The following DLC1 variants were observed in gnomAD, a reference collection of about 807,000 sequenced individuals.
The protein encoded by DLC1 is DLC1 Rho GTPase activating protein.
Under a neutral mutation model 140.3 loss-of-function variants are expected in DLC1, and 54 were observed. That is an observed-to-expected ratio of 0.38 (90% CI 0.31 to 0.48). DLC1 has a LOEUF of 0.48. Among genes scored for constraint, DLC1 ranks in the 20% least tolerant of loss-of-function variants. The pLI, the probability that DLC1 is intolerant of heterozygous loss-of-function variation, is 0.96. For missense variants in DLC1, 2,536 were observed against 1,907.0 expected (o/e 1.33, Z -6.14); for synonymous variants, 986 against 728.1 (o/e 1.35, Z -5.70).
At chr8:13,208,163 T>A (rs1252474095) in intron 5 of DLC1, among the ~76,000 whole-genome samples, 1 of 152,178 alleles carries the variant, frequency 6.6e-6, no homozygotes, top group Non-Finnish European at 1.5e-5. Flanking sequence ...TCTGTTTTTG[T>A]TGTTGGTGTT....
At chr8:13,145,416 C>T (rs908727871) in intron 5 of DLC1, among the ~76,000 whole-genome samples, 3 of 152,148 alleles carry the variant, frequency 2.0e-5, no homozygotes, top group South Asian at 2.1e-4. Flanking sequence ...CATGAGAACT[C>T]GTGTATATTT....
intron 2 of DLC1, among the ~76,000 whole-genome samples, chr8:13,446,580 A>AG (rs1357878409): frequency 1.3e-5 from 2 of 152,144 alleles, no homozygotes; most frequent in African/African-American, 4.8e-5. Context: ...GAAGGAAAAA[A>AG]GAGAAAGAAA....
chr8:13,338,415 G>C (rs575099749), intron 4 of DLC1, among the ~76,000 whole-genome samples: 1 of 152,120 alleles, frequency 6.6e-6, no homozygotes, highest in South Asian at 2.1e-4. Context: ...TTGGGCCCTT[G>C]CTTGATTTTT....
At chr8:13,130,964 G>A (rs991139132) in intron 5 of DLC1, among the ~76,000 whole-genome samples, 1 of 152,190 alleles carries the variant, frequency 6.6e-6, no homozygotes, top group African/African-American at 2.4e-5. Context: ...CTCAGGCCAC[G>A]CTGTAAATCT....
chr8:13,120,649 A>T (rs1820984635), intron 5 of DLC1, among the ~76,000 whole-genome samples: 1 of 152,078 alleles, frequency 6.6e-6, no homozygotes, highest in Admixed American at 6.6e-5. Flanking sequence ...AATACAATGA[A>T]ACTTTTATAC....
intron 1 of DLC1, among the ~76,000 whole-genome samples, chr8:13,592,248 C>G (rs945971480): frequency 2.0e-5 from 3 of 152,186 alleles, no homozygotes; most frequent in South Asian, 2.1e-4. Context: ...CTGCCTCCTT[C>G]CCTTACATTT....
At chr8:13,251,350 T>C (rs1829996263) in intron 5 of DLC1, among the ~76,000 whole-genome samples, 3 of 152,206 alleles carry the variant, frequency 2.0e-5, no homozygotes, top group Admixed American at 2.0e-4. Flanking sequence ...GCAATTGCCC[T>C]TGTTTTTCTC....
rs1333728296 is a variant in DLC1, at chr8:13,123,245, C to G, written c.1349-7588G>C. On this transcript the variant is annotated intron_variant, in intron 5 of 17. Coordinates refer to ENST00000276297, the MANE Select transcript of DLC1 (RefSeq NM_182643.3). The stretch of plus-strand genomic sequence containing the variant: ...AACTCCTAACAATGTCCCACATGTC[C>G]TGGCCCCTGTCAGGACCCTGCCTGC... 3.3e-5 allele frequency among the ~76,000 whole-genome samples: 5 copies of G among 152,142 alleles called. No homozygotes were observed. In the East Asian group the frequency reaches 9.7e-4, roughly 29 times the overall value.
chr8:13,524,736 T>C (rs541740342), intron 1 of DLC1, among the ~76,000 whole-genome samples: 15 of 151,964 alleles, frequency 9.9e-5, no homozygotes, highest in African/African-American at 3.4e-4. Context: ...TGAGCTCTTT[T>C]GCCAATTTCT....
At chr8:13,518,494 T>G (rs2117278275), upstream of DLC1, among the ~76,000 whole-genome samples, 1 of 152,354 alleles carries the variant, frequency 6.6e-6, no homozygotes, top group Non-Finnish European at 1.5e-5. Flanking sequence ...CCAATCATTT[T>G]CAGGAAAGTT....
At chr8:13,131,855 TC>T in intron 5 of DLC1, among the ~76,000 whole-genome samples, 1 of 152,212 alleles carries the variant, frequency 6.6e-6, no homozygotes, top group East Asian at 1.9e-4. Flanking sequence ...TGACCCCGTG[TC>T]CCCTCTCACT....
At chr8:13,597,082 C>A (rs982386795) in intron 1 of DLC1, among the ~76,000 whole-genome samples, 1 of 151,868 alleles carries the variant, frequency 6.6e-6, no homozygotes. Flanking sequence ...TTTTTCATCT[C>A]AATATGTCCA....
intron 4 of DLC1, chr8:13,353,314 G>T (rs1834763227): frequency 6.6e-6 from 1 of 152,076 alleles, no homozygotes; most frequent in Admixed American, 6.6e-5. Context: ...CATTTCCTCT[G>T]AGTCAGAAGG....
At chr8:13,296,953 T>C (rs945178494) in intron 5 of DLC1, among the ~76,000 whole-genome samples, 9 of 152,072 alleles carry the variant, frequency 5.9e-5, no homozygotes, top group Admixed American at 2.0e-4. Context: ...CTATGTTCTA[T>C]TGGTTCTGGT....
At chr8:13,161,533 T>C (rs1563123877) in intron 5 of DLC1, among the ~76,000 whole-genome samples, 1 of 152,120 alleles carries the variant, frequency 6.6e-6, no homozygotes, top group Non-Finnish European at 1.5e-5. Flanking sequence ...TTGAGACAGG[T>C]CTTGCTTTGT....
At chr8:13,410,242 G>T (rs1216205965) in intron 2 of DLC1, among the ~76,000 whole-genome samples, 2 of 152,064 alleles carry the variant, frequency 1.3e-5, no homozygotes, top group Non-Finnish European at 2.9e-5. Context: ...CTCTTCACCT[G>T]ATTATGAGTC....
intron 5 of DLC1, among the ~76,000 whole-genome samples, chr8:13,164,909 T>C (rs910448369): frequency 2.6e-5 from 4 of 152,326 alleles, no homozygotes; most frequent in Non-Finnish European, 5.9e-5. Context: ...ATTGTGAATC[T>C]CCATTTTCCA....
At chr8:13,144,638 G>T (rs1314280825) in intron 5 of DLC1, among the ~76,000 whole-genome samples, 4 of 152,138 alleles carry the variant, frequency 2.6e-5, no homozygotes, top group Non-Finnish European at 5.9e-5. Context: ...GGTGGTGGGT[G>T]CCTGTAGTCC....
At chr8:13,086,558 G>T in intron 16 of DLC1, 95 bp from the exon 17 acceptor site, 1 of 1,446,868 alleles carries the variant, frequency 6.9e-7, no homozygotes. Context: ...GTGTGGTGAC[G>T]GGTCAGGCTC....
Sources: allele counts gnomAD v4.1 joint callset (sites outside exome capture counted in the v4.1 genomes callset), GRCh38; gene constraint gnomAD v4.1.1; transcripts MANE v1.5; gene names NCBI Gene and HGNC (gene_info 2026-07-23, HGNC 2026-07-21).